TET2: variants seen among roughly 807,000 people sequenced by gnomAD.
TET2 encodes tet methylcytosine dioxygenase 2.
In TET2, 299 loss-of-function variants were observed where a neutral mutation model predicts 142.9. The observed-to-expected ratio is 2.09, with a 90% CI of 1.90 to 2.30. TET2 has a LOEUF of 2.30. Among genes scored for constraint, TET2 ranks in the 30% most tolerant of loss-of-function variants. The probability of loss-of-function intolerance (pLI) is 0.00; values close to 1 mark genes in which losing one functional copy is unlikely to be tolerated. For missense variants in TET2, 2,418 were observed against 2,378.0 expected, an observed-to-expected ratio of 1.02 and a Z score of -0.35; for synonymous variants, 819 against 849.0, an observed-to-expected ratio of 0.96 and a Z score of 0.61.
intron 2 of TET2, among the ~76,000 whole-genome samples, chr4:105,194,723 T>G (rs1310529072): frequency 6.6e-6 from 1 of 152,170 alleles, no homozygotes; most frequent in Admixed American, 6.6e-5. Context: ...ACTGTACTCT[T>G]CAATTTTTCT....
At chr4:105,201,791 C>CG (rs1477433583) in intron 2 of TET2, among the ~76,000 whole-genome samples, 1 of 122,108 alleles carries the variant, frequency 8.2e-6, no homozygotes, top group African/African-American at 3.2e-5. Context: ...GCCCAGACTG[C>CG]GGTGCAGTGG....
At chr4:105,197,899 C>A (rs1726184408) in intron 2 of TET2, among the ~76,000 whole-genome samples, 1 of 151,956 alleles carries the variant, frequency 6.6e-6, no homozygotes, top group Admixed American at 6.6e-5. Flanking sequence ...TTCTGTTTTT[C>A]CAAAAGTTTT....
At position 105,235,135 on chromosome 4, in the gene TET2, C is replaced by A. The variant is rs1425785269; in HGVS notation, c.1193C>A (p.Pro398Gln). ...GATTCCTTTTCTGCCACTACCACAC[C>A]ACCACCACCATCACAATTGCTTCTT... Reference protein sequence around the residue: ...TKDSFSATTTPPPPSQLLLSP... With the variant: ...TKDSFSATTTQPPPSQLLLSP... The change falls in exon 3 of 11, where the codon CCA becomes CAA. Residue 398 changes from proline to glutamine, a missense_variant. Pro to Gln is a moderately conservative substitution (Grantham distance 76). Transcript: ENST00000380013. The A allele has an allele frequency of 6.2e-7, 1 of 1,613,786 alleles. No homozygotes were observed. Among genetic ancestry groups the A allele is most frequent in the Non-Finnish European group, 8.5e-7 (1 of 1,179,842 alleles).
intron 2 of TET2, among the ~76,000 whole-genome samples, chr4:105,231,572 T>C (rs1001963346): frequency 2.0e-5 from 3 of 152,214 alleles, no homozygotes; most frequent in African/African-American, 7.2e-5. Context: ...CTTGATTCTC[T>C]AGGTTGACCA....
In TET2 at chr4:105,234,191, AG is replaced by A; in HGVS notation, c.252del (p.Tyr85IlefsTer10). 1 of 1,614,180 alleles carries A rather than the reference AG, an allele frequency of 6.2e-7. No individual in the cohort carries two copies. The highest frequency in any genetic ancestry group is 8.5e-7 in the Non-Finnish European group (1 of 1,180,028). On this transcript the variant is annotated frameshift_variant, in exon 3 of 11. Coordinates refer to ENST00000380013, the MANE Select transcript of TET2 (RefSeq NM_001127208.3). LOFTEE classifies it high-confidence loss of function. ...GTCCTGACTTTACACAAGAAAGTAG[AG>A]GGTATTCCAAGTGTTTGCAAAATGG... ...VSPDFTQESRGYSKCLQNGGI... is the reference protein window; with the variant it reads ...VSPDFTQESRXYSKCLQNGGI...
intron 2 of TET2, among the ~76,000 whole-genome samples, chr4:105,215,974 G>A (rs1292084940): frequency 6.6e-6 from 1 of 152,106 alleles, no homozygotes; most frequent in Admixed American, 6.6e-5. Flanking sequence ...CTCCATGTGT[G>A]ACTAAAGTAC....
chr4:105,178,509 A>G (rs1724934878), intron 1 of TET2, among the ~76,000 whole-genome samples: 2 of 152,182 alleles, frequency 1.3e-5, no homozygotes, highest in Non-Finnish European at 2.9e-5. Flanking sequence ...GTCATTATAC[A>G]TTTGTCCAAA....
At chr4:105,197,652 A>G (rs1404973480) in intron 2 of TET2, among the ~76,000 whole-genome samples, 1 of 152,250 alleles carries the variant, frequency 6.6e-6, no homozygotes, top group Admixed American at 6.5e-5. Flanking sequence ...ACCAAAGAGT[A>G]AAAAGTGATT....
chr4:105,244,020 A>G (rs1251559430), intron 6 of TET2, among the ~76,000 whole-genome samples: 2 of 152,226 alleles, frequency 1.3e-5, no homozygotes, highest in African/African-American at 4.8e-5. Flanking sequence ...CTGTAACCAC[A>G]TGGCCTCAGT....
chr4:105,243,840 G>C (rs2110256532), intron 6 of TET2, 62 bp downstream of exon 6: 1 of 1,456,976 alleles, frequency 6.9e-7, no homozygotes, highest in Non-Finnish European at 9.4e-7. Flanking sequence ...CCAATCTTTG[G>C]TTGAAAGGAA....
At chr4:105,229,084 T>A (rs541629443) in intron 2 of TET2, among the ~76,000 whole-genome samples, 109 of 152,326 alleles carry the variant, frequency 7.2e-4, no homozygotes, top group African/African-American at 2.6e-3. Flanking sequence ...GTATTAAATA[T>A]TTTTTGAGTA....
chr4:105,204,262 CACACACAT>C (rs1354552599), intron 2 of TET2, among the ~76,000 whole-genome samples: 5 of 143,372 alleles, frequency 3.5e-5, no homozygotes, highest in East Asian at 2.0e-4. Context: ...CACACACACA[CACACACAT>C]ACATACATAC....
rs1731258115 is a variant in TET2 at position 105,276,981 on chromosome 4, G to T, written c.*462G>T. ...AAATACCATCTGGTGCTGAATATAT[G>T]ATGTACTGAAATACTGGAATTATGG... On this transcript the variant is annotated 3_prime_UTR_variant, in exon 11 of 11. Coordinates refer to ENST00000380013, the MANE Select transcript of TET2 (RefSeq NM_001127208.3). 2 of 234,878 alleles carry T rather than the reference G, an allele frequency of 8.5e-6. No individual in the cohort carries two copies. The highest frequency in any genetic ancestry group is 1.7e-5 in the Non-Finnish European group (2 of 119,520). The allele number at this position is 234,878 out of a possible 1,614,324, so 14.5% of individuals were successfully genotyped here. A position where few individuals can be genotyped will look rare whatever the true frequency, so the allele number is the denominator to read the frequency against.
chr4:105,278,616 C>G lies in TET2; in HGVS notation c.*2097C>G, dbSNP rs1192359550. Reference sequence around the variant, plus strand: ...TTTATTTTGAATCCCTTCTATTTTACTTGTACATGTGCTGATGTAACTAAA... The same window carrying G: ...TTTATTTTGAATCCCTTCTATTTTAGTTGTACATGTGCTGATGTAACTAAA... On this transcript the variant is annotated 3_prime_UTR_variant, in exon 11 of 11. Coordinates refer to ENST00000380013, the MANE Select transcript of TET2 (RefSeq NM_001127208.3). 1 of 232,002 alleles carries G rather than the reference C, an allele frequency of 4.3e-6. No individual in the cohort carries two copies. The highest frequency in any genetic ancestry group is 8.5e-6 in the Non-Finnish European group (1 of 117,448). The allele number at this position is 232,002 out of a possible 1,614,324, so 14.4% of individuals were successfully genotyped here. A position where few individuals can be genotyped will look rare whatever the true frequency, so the allele number is the denominator to read the frequency against.
intron 2 of TET2, among the ~76,000 whole-genome samples, chr4:105,216,173 G>A (rs555353674): frequency 6.6e-6 from 1 of 152,222 alleles, no homozygotes; most frequent in South Asian, 2.1e-4. Flanking sequence ...TATTTCTGGG[G>A]GAGGTAGAAG....
At chr4:105,154,206 A>G (rs1052306107) in intron 1 of TET2, among the ~76,000 whole-genome samples, 5 of 152,242 alleles carry the variant, frequency 3.3e-5, no homozygotes, top group South Asian at 2.1e-4. Context: ...ATTAGATAGT[A>G]ATGATTGCCC....
rs1560548380 is a variant in TET2 at position 105,237,320 on chromosome 4, T to C, written c.3378T>C (p.Thr1126=). The change falls in exon 3 of 11, where the codon ACT becomes ACC. Residue 1126 remains threonine, a synonymous_variant. Transcript: ENST00000380013. ...ATTTATTGGATACACCTGTCAAGAC[T>C]CAATATGATTTCCCATCTTGCAGAT... ...IKNLLDTPVK[T]QYDFPSCRCV... The C allele has an allele frequency of 9.9e-6, 16 of 1,614,150 alleles. No homozygotes were observed. Among genetic ancestry groups the C allele is most frequent in the Non-Finnish European group, 1.0e-5 (12 of 1,179,988 alleles).
chr4:105,183,179 G>A (rs1725222181), intron 1 of TET2, among the ~76,000 whole-genome samples: 1 of 152,052 alleles, frequency 6.6e-6, no homozygotes, highest in Non-Finnish European at 1.5e-5. Context: ...CAGTCTAAGA[G>A]AACCATGGTA....
At chr4:105,227,124 G>A (rs1466484704) in intron 2 of TET2, among the ~76,000 whole-genome samples, 1 of 152,126 alleles carries the variant, frequency 6.6e-6, no homozygotes, top group African/African-American at 2.4e-5. Context: ...CATGATGCCA[G>A]CTATAACCCA....
Sources: gnomAD v4.1 joint callset for allele counts (sites outside exome capture counted in the v4.1 genomes callset) on GRCh38, gnomAD v4.1.1 for gene constraint, MANE v1.5 for transcripts, NCBI Gene and HGNC (gene_info 2026-07-23, HGNC 2026-07-21) for gene names.